Variants in GNA12 observed in about 807,000 individuals in gnomAD.
GNA12 encodes the protein guanine nucleotide-binding protein subunit alpha-12.
In GNA12, 9 loss-of-function variants were observed where a neutral mutation model predicts 26.0. The ratio of observed to expected loss-of-function variants is 0.35; its 90% CI spans 0.21 to 0.60. GNA12 has a LOEUF of 0.60. GNA12 is among the 20% of genes least tolerant of loss of function. GNA12 has a pLI of 0.78. For missense variants in GNA12, 405 were observed against 525.8 expected, an observed-to-expected ratio of 0.77 and a Z score of 2.25; for synonymous variants, 264 against 219.6, an observed-to-expected ratio of 1.20 and a Z score of -1.79.
At chr7:2,838,317 T>G (rs1778896641) in intron 1 of GNA12, among the ~76,000 whole-genome samples, 1 of 150,256 alleles carries the variant, frequency 6.7e-6, no homozygotes, top group Non-Finnish European at 1.5e-5. Context: ...GGATCGCTCA[T>G]GCCTATAATC....
intron 1 of GNA12, among the ~76,000 whole-genome samples, chr7:2,796,431 ATGAC>A (rs1792680727): frequency 6.6e-6 from 1 of 152,014 alleles, no homozygotes; most frequent in Admixed American, 6.6e-5. Flanking sequence ...ATAACGGGAG[ATGAC>A]TGTACTGCCA....
At chr7:2,810,078 G>C (rs915430380) in intron 1 of GNA12, among the ~76,000 whole-genome samples, 9 of 152,242 alleles carry the variant, frequency 5.9e-5, no homozygotes, top group Non-Finnish European at 1.2e-4. Flanking sequence ...CGCTTAAGAA[G>C]TACGCAGCTG....
At chr7:2,787,893 G>T (rs1348148983) in intron 2 of GNA12, among the ~76,000 whole-genome samples, 2 of 152,224 alleles carry the variant, frequency 1.3e-5, no homozygotes, top group African/African-American at 4.8e-5. Flanking sequence ...CATGGCTCAC[G>T]CCTGGAATCC....
chr7:2,827,777 ATATC>A (rs1793517671), intron 1 of GNA12, among the ~76,000 whole-genome samples: 1 of 152,230 alleles, frequency 6.6e-6, no homozygotes, highest in Non-Finnish European at 1.5e-5. Flanking sequence ...ATATTCATGT[ATATC>A]TATCATGAGG....
At chr7:2,813,494 C>T (rs145995617) in intron 1 of GNA12, among the ~76,000 whole-genome samples, 36 of 152,228 alleles carry the variant, frequency 2.4e-4, no homozygotes, top group Non-Finnish European at 4.6e-4. Context: ...GCCAGCACAG[C>T]GCTCCTTGCA....
At chr7:2,813,742 G>C (rs1386003327) in intron 1 of GNA12, among the ~76,000 whole-genome samples, 1 of 152,236 alleles carries the variant, frequency 6.6e-6, no homozygotes, top group East Asian at 1.9e-4. Context: ...CCACGCCTAA[G>C]TCTGCCCATC....
At chr7:2,788,297 C>T (rs748088785) in intron 2 of GNA12, among the ~76,000 whole-genome samples, 2 of 152,190 alleles carry the variant, frequency 1.3e-5, no homozygotes, top group Admixed American at 6.5e-5. Flanking sequence ...GAGTCCACGC[C>T]GCACAGCCTG....
intron 2 of GNA12, among the ~76,000 whole-genome samples, chr7:2,751,689 A>AG (rs2115363688): frequency 6.6e-6 from 1 of 152,386 alleles, no homozygotes; most frequent in African/African-American, 2.4e-5. Context: ...GTTATACTAT[A>AG]GCTCCGTCAA....
chr7:2,794,683 A>C, intron 2 of GNA12: 1 of 534,330 alleles, frequency 1.9e-6, no homozygotes, highest in South Asian at 2.3e-5. Flanking sequence ...GATTCTAAGA[A>C]CCCTCCGTAT....
chr7:2,817,802 T>C (rs1169214940), intron 1 of GNA12, among the ~76,000 whole-genome samples: 1 of 152,228 alleles, frequency 6.6e-6, no homozygotes, highest in South Asian at 2.1e-4. Context: ...ACATCTAAAG[T>C]TATGACAAAT....
chr7:2,738,871 C>G (rs950553483), intron 2 of GNA12, among the ~76,000 whole-genome samples: 5 of 152,186 alleles, frequency 3.3e-5, no homozygotes, highest in African/African-American at 1.2e-4. Flanking sequence ...TGTGAAAGTA[C>G]AGAGGAGCTG....
intron 2 of GNA12, among the ~76,000 whole-genome samples, chr7:2,736,251 C>G (rs111707879): frequency 9.9e-4 from 151 of 152,314 alleles, no homozygotes; most frequent in African/African-American, 3.4e-3. Context: ...AGCCCAGAGT[C>G]CTCTCAACGG....
At chr7:2,743,923 T>C (rs915389095) in intron 2 of GNA12, among the ~76,000 whole-genome samples, 2 of 151,746 alleles carry the variant, frequency 1.3e-5, no homozygotes, top group Non-Finnish European at 2.9e-5. Flanking sequence ...TGCTCATTGC[T>C]AGCACAGCAG....
chr7:2,780,988 CCT>C (rs1792213710), intron 2 of GNA12, among the ~76,000 whole-genome samples: 1 of 152,332 alleles, frequency 6.6e-6, no homozygotes, highest in East Asian at 1.9e-4. Context: ...TATGAGAGTT[CCT>C]GTCATCCCAC....
At chr7:2,782,008 A>G (rs768267784) in intron 2 of GNA12, among the ~76,000 whole-genome samples, 5 of 152,226 alleles carry the variant, frequency 3.3e-5, no homozygotes, top group Non-Finnish European at 7.3e-5. Context: ...ATAAACCCAC[A>G]TATCTATGGC....
chr7:2,743,751 G>T (rs908513878), intron 2 of GNA12, among the ~76,000 whole-genome samples: 1 of 152,186 alleles, frequency 6.6e-6, no homozygotes, highest in African/African-American at 2.4e-5. Context: ...AGCGCAAGGG[G>T]TCAGGGAATT....
At chr7:2,779,643 G>C (rs999297686) in intron 2 of GNA12, among the ~76,000 whole-genome samples, 2 of 152,112 alleles carry the variant, frequency 1.3e-5, no homozygotes, top group African/African-American at 4.8e-5. Context: ...CTGTCACCCA[G>C]GTTGGAGTGC....
intron 2 of GNA12, among the ~76,000 whole-genome samples, chr7:2,739,820 C>T (rs545737351): frequency 1.7e-4 from 26 of 152,074 alleles, no homozygotes; most frequent in Non-Finnish European, 3.2e-4. Flanking sequence ...TACAGGCGTG[C>T]GCCACCAAAC....
intron 2 of GNA12, among the ~76,000 whole-genome samples, chr7:2,743,679 G>C (rs1790620351): frequency 6.6e-6 from 1 of 152,188 alleles, no homozygotes; most frequent in Non-Finnish European, 1.5e-5. Flanking sequence ...GGGTGTGCCA[G>C]ACAGTGGGCG....
Sources: allele counts gnomAD v4.1 joint callset (sites outside exome capture counted in the v4.1 genomes callset), GRCh38; gene constraint gnomAD v4.1.1; transcripts MANE v1.5; gene names NCBI Gene and HGNC (gene_info 2026-07-23, HGNC 2026-07-21).